Variants in CADM2 observed in about 807,000 individuals in gnomAD.
CADM2 encodes the protein immunoglobulin superfamily member 4D.
Under a neutral mutation model 49.8 loss-of-function variants are expected in CADM2, and 12 were observed. The ratio of observed to expected loss-of-function variants is 0.24; its 90% confidence interval spans 0.15 to 0.39. The LOEUF (loss-of-function observed/expected upper bound fraction) is 0.39. CADM2 is among the 10% of genes least tolerant of loss of function. CADM2 has a pLI of 1.00. For missense variants in CADM2, 378 were observed against 492.3 expected (o/e 0.77, Z 2.20); for synonymous variants, 214 against 175.4 (o/e 1.22, Z -1.74).
At chr3:85,168,337 G>A (rs1254045817) in intron 1 of CADM2, among the ~76,000 whole-genome samples, 1 of 152,108 alleles carries the variant, frequency 6.6e-6, no homozygotes. Context: ...TTACAGGCAT[G>A]AGCTACCATG....
intron 2 of CADM2, among the ~76,000 whole-genome samples, chr3:85,764,559 T>C (rs1353625272): frequency 6.6e-6 from 1 of 152,124 alleles, no homozygotes; most frequent in Non-Finnish European, 1.5e-5. Context: ...TATTTGTTGT[T>C]ATATAACCAA....
intron 1 of CADM2, among the ~76,000 whole-genome samples, chr3:84,977,153 T>A (rs2031871502): frequency 6.6e-6 from 1 of 151,994 alleles, no homozygotes; most frequent in Non-Finnish European, 1.5e-5. Flanking sequence ...TATATTTCTT[T>A]ATTATACTGA....
At chr3:85,276,242 C>G (rs1190021936) in intron 1 of CADM2, among the ~76,000 whole-genome samples, 1 of 151,224 alleles carries the variant, frequency 6.6e-6, no homozygotes, top group Non-Finnish European at 1.5e-5. Context: ...GAATTCTTCT[C>G]TTAACTACAT....
intron 1 of CADM2, among the ~76,000 whole-genome samples, chr3:84,984,369 A>C (rs1308826775): frequency 7.1e-6 from 1 of 141,790 alleles, no homozygotes; most frequent in Non-Finnish European, 1.5e-5. Context: ...AAAAAAAAAA[A>C]AAAAAAAAAA....
rs369935377 is a variant in CADM2, at chr3:85,133,361, T to A, written c.61+173693T>A. On this transcript the variant is annotated intron_variant, in intron 1 of 9. Coordinates refer to ENST00000383699, the MANE Select transcript of CADM2 (RefSeq NM_001167675.2). ...TTTGACAGGGCACTGATTGGTGCGTTTACAATCCCTGAGCTAGACACAAAG... is the reference window on the plus strand; with the variant it reads ...TTTGACAGGGCACTGATTGGTGCGTATACAATCCCTGAGCTAGACACAAAG... 7.9e-5 allele frequency among the ~76,000 whole-genome samples: 12 copies of A among 152,254 alleles called. No homozygotes were observed. In the East Asian group the frequency reaches 1.9e-3, roughly 25 times the overall value.
At chr3:85,285,491 A>G (rs896329980) in intron 1 of CADM2, among the ~76,000 whole-genome samples, 14 of 152,204 alleles carry the variant, frequency 9.2e-5, no homozygotes, top group Admixed American at 9.2e-4. Context: ...ACTAACATGC[A>G]AATTTTTTGT....
At chr3:85,566,949 A>G (rs1053796040) in intron 1 of CADM2, among the ~76,000 whole-genome samples, 54 of 152,080 alleles carry the variant, frequency 3.6e-4, no homozygotes, top group Admixed American at 3.3e-3. Context: ...TAGTGACTCT[A>G]TTTTTCTCTT....
chr3:85,334,691 C>A (rs1437932126), intron 1 of CADM2, among the ~76,000 whole-genome samples: 1 of 151,394 alleles, frequency 6.6e-6, no homozygotes, highest in East Asian at 1.9e-4. Context: ...AACAAAAATG[C>A]CTTAAGAAGG....
intron 1 of CADM2, among the ~76,000 whole-genome samples, chr3:85,551,449 A>G (rs912843225): frequency 1.8e-4 from 27 of 152,132 alleles, no homozygotes; most frequent in African/African-American, 6.5e-4. Context: ...AGCTTCATTT[A>G]GTCAGGTACC....
At chr3:85,992,725 C>G (rs549859005) in intron 8 of CADM2, 2 of 152,294 alleles carry the variant, frequency 1.3e-5, no homozygotes, top group South Asian at 2.1e-4. Context: ...CTAAAAAATG[C>G]TAATGATCGT....
intron 8 of CADM2, among the ~76,000 whole-genome samples, chr3:86,046,036 A>G (rs562819656): frequency 6.6e-6 from 1 of 152,284 alleles, no homozygotes; most frequent in African/African-American, 2.4e-5. Flanking sequence ...GATGCAAAGA[A>G]TGTAGTTCAG....
chr3:85,957,533 TACCAACAATCAGTTTCCCCC>T (rs762995913), intron 7 of CADM2, among the ~76,000 whole-genome samples: 40 of 151,926 alleles, frequency 2.6e-4, no homozygotes, highest in East Asian at 5.9e-4. Flanking sequence ...AAATGTGTGT[TACCAACAATCAGTTTCCCCC>T]ACCAACAATC....
At chr3:85,007,851 C>G (rs956803158) in intron 1 of CADM2, among the ~76,000 whole-genome samples, 2 of 152,038 alleles carry the variant, frequency 1.3e-5, no homozygotes. Context: ...AGTGAGATGA[C>G]AAATCTGTGT....
intron 1 of CADM2, among the ~76,000 whole-genome samples, chr3:85,286,793 T>G (rs2043643919): frequency 6.6e-6 from 1 of 152,126 alleles, no homozygotes. Context: ...ACATATTAAA[T>G]GTATTTCCAT....
At chr3:86,054,654 T>C (rs1011121954) in intron 8 of CADM2, among the ~76,000 whole-genome samples, 3 of 152,122 alleles carry the variant, frequency 2.0e-5, no homozygotes, top group Non-Finnish European at 4.4e-5. Flanking sequence ...AATTCTTCTA[T>C]ACTATTTTTG....
chr3:86,037,049 C>G (rs996121068), intron 8 of CADM2, among the ~76,000 whole-genome samples: 1 of 152,036 alleles, frequency 6.6e-6, no homozygotes, highest in Non-Finnish European at 1.5e-5. Flanking sequence ...AATTTTTAAC[C>G]AGGACAAGTC....
At chr3:85,250,749 T>G (rs554310083) in intron 1 of CADM2, among the ~76,000 whole-genome samples, 1 of 151,752 alleles carries the variant, frequency 6.6e-6, no homozygotes, top group Non-Finnish European at 1.5e-5. Context: ...TACAGATGGA[T>G]AATAGTTTTG....
chr3:85,182,091 T>A (rs2107706285), intron 1 of CADM2, among the ~76,000 whole-genome samples: 1 of 151,938 alleles, frequency 6.6e-6, no homozygotes, highest in South Asian at 2.1e-4. Context: ...CTAAATTGAA[T>A]GCAAAATTAG....
intron 1 of CADM2, among the ~76,000 whole-genome samples, chr3:85,216,315 AT>A (rs1200714102): frequency 6.8e-6 from 1 of 146,962 alleles, no homozygotes; most frequent in African/African-American, 2.5e-5. Context: ...TATATTTAAC[AT>A]ATTAATATAT....
Sources: allele counts gnomAD v4.1 joint callset (sites outside exome capture counted in the v4.1 genomes callset), GRCh38; gene constraint gnomAD v4.1.1; transcripts MANE v1.5; gene names NCBI Gene and HGNC (gene_info 2026-07-23, HGNC 2026-07-21).